The following RNLS variants were observed in gnomAD, a reference collection of about 807,000 sequenced individuals.
RNLS encodes renalase.
In RNLS, 39 loss-of-function variants were observed where a neutral mutation model predicts 39.8. The ratio of observed to expected loss-of-function variants is 0.98; its 90% CI spans 0.76 to 1.28. The LOEUF is 1.28. Among genes scored for constraint, RNLS ranks in the 50% most tolerant of loss-of-function variants. RNLS has a pLI of 0.00. For synonymous variants in RNLS, 147 were observed against 150.7 expected, an observed-to-expected ratio of 0.98 and a Z score of 0.18; for missense variants, 410 against 413.3, an observed-to-expected ratio of 0.99 and a Z score of 0.07.
intron 4 of RNLS, among the ~76,000 whole-genome samples, chr10:88,512,489 A>G (rs181546048): frequency 1.9e-4 from 29 of 152,312 alleles, no homozygotes; most frequent in Admixed American, 5.2e-4. Flanking sequence ...CAGGCTCCCC[A>G]TTAAGCCAGT....
intron 4 of RNLS, among the ~76,000 whole-genome samples, chr10:88,406,066 C>T (rs1309558359): frequency 6.6e-6 from 1 of 152,056 alleles, no homozygotes; most frequent in Admixed American, 6.6e-5. Context: ...TCCCTTCTAG[C>T]TTGTAGGGTT....
intron 6 of RNLS, among the ~76,000 whole-genome samples, chr10:88,294,453 T>G (rs1437614256): frequency 6.6e-6 from 1 of 152,204 alleles, no homozygotes; most frequent in Non-Finnish European, 1.5e-5. Flanking sequence ...ACAGGTTTTT[T>G]TTTTAAATTT....
At chr10:88,301,839 T>C (rs1402737283) in intron 6 of RNLS, among the ~76,000 whole-genome samples, 1 of 151,988 alleles carries the variant, frequency 6.6e-6, no homozygotes, top group Admixed American at 6.6e-5. Context: ...AGATAAACTT[T>C]GAAAAGATAA....
chr10:88,265,208 CCA>C, the RNLS span, among the ~76,000 whole-genome samples: 1 of 152,076 alleles, frequency 6.6e-6, no homozygotes, highest in South Asian at 2.1e-4. Context: ...AATTTTTATA[CCA>C]GTATCATGAT....
chr10:88,498,385 G>A (rs1010918602), intron 4 of RNLS, among the ~76,000 whole-genome samples: 14 of 150,600 alleles, frequency 9.3e-5, no homozygotes, highest in Non-Finnish European at 1.6e-4. Context: ...AATATACCAG[G>A]GTCATGAAAG....
At chr10:88,559,276 A>T (rs1231605804) in intron 4 of RNLS, among the ~76,000 whole-genome samples, 1 of 152,218 alleles carries the variant, frequency 6.6e-6, no homozygotes, top group East Asian at 1.9e-4. Flanking sequence ...TAAGGTTAAC[A>T]GCCTTTAGAA....
chr10:88,310,402 G>A (rs1001504718), intron 6 of RNLS, among the ~76,000 whole-genome samples: 1 of 152,046 alleles, frequency 6.6e-6, no homozygotes, highest in Non-Finnish European at 1.5e-5. Context: ...CCTGATAATT[G>A]TGTGTACTTT....
intron 4 of RNLS, among the ~76,000 whole-genome samples, chr10:88,522,247 C>A (rs151256434): frequency 3.9e-4 from 59 of 152,122 alleles, no homozygotes; most frequent in African/African-American, 1.3e-3. Context: ...GTTTAATAAG[C>A]AGATGTTGAA....
intron 5 of RNLS, among the ~76,000 whole-genome samples, chr10:88,360,520 T>G (rs1386682583): frequency 6.6e-6 from 1 of 152,206 alleles, no homozygotes; most frequent in Non-Finnish European, 1.5e-5. Context: ...CTGCAACCTC[T>G]GCCTCCTGGG....
intron 6 of RNLS, chr10:88,309,307 G>A (rs918682350): frequency 2.3e-6 from 2 of 872,364 alleles, no homozygotes; most frequent in Non-Finnish European, 3.2e-6. Flanking sequence ...AAAAGAAAAT[G>A]CATGGGAAAA....
At chr10:88,343,090 TGA>T (rs1185198054) in intron 5 of RNLS, among the ~76,000 whole-genome samples, 5 of 152,090 alleles carry the variant, frequency 3.3e-5, no homozygotes, top group Admixed American at 3.3e-4. Flanking sequence ...GTTAAGGATG[TGA>T]GATTTAATCT....
chr10:88,424,827 A>G (rs78992735), intron 4 of RNLS, among the ~76,000 whole-genome samples: 4,220 of 152,218 alleles, frequency 0.028, 163 homozygotes, highest in South Asian at 0.12. Flanking sequence ...GGAAGTGTTC[A>G]GTATAAAAGA....
intron 1 of RNLS, 99 bp from the exon 2 acceptor site, chr10:88,582,406 ATATCT>A: frequency 1.1e-6 from 1 of 879,818 alleles, no homozygotes; most frequent in Middle Eastern, 2.3e-4. Flanking sequence ...TACTTCAAAA[ATATCT>A]TAAGAAACTT....
At position 88,498,169 on chromosome 10, in the gene RNLS, T is replaced by A. The variant is rs142930821; in HGVS notation, c.526+74734A>T. ...ACAAACCACCTAGACCAAGTGATCA[T>A]CACCAGTTAACATCGCCAAGTTAAC... On this transcript the variant is annotated intron_variant, in intron 4 of 6. Coordinates refer to ENST00000331772, the MANE Select transcript of RNLS (RefSeq NM_001031709.3). Among the ~76,000 whole-genome samples, 350 of 152,102 alleles carry A rather than the reference T, an allele frequency of 2.3e-3. 1 individual carries two copies. Among genetic ancestry groups the A allele is most frequent in the African/African-American group, 8.1e-3 (335 of 41,516 alleles).
intron 6 of RNLS, chr10:88,309,339 C>A: frequency 9.3e-7 from 1 of 1,080,678 alleles, no homozygotes; most frequent in Middle Eastern, 2.4e-4. Flanking sequence ...ATTAAAATAT[C>A]AATCACCACC....
the RNLS span, among the ~76,000 whole-genome samples, chr10:88,190,596 G>C: frequency 9.5e-4 from 144 of 152,172 alleles, 6 homozygotes; most frequent in East Asian, 0.024. Flanking sequence ...ATATATTAAG[G>C]CTCTTTATTC....
chr10:88,389,529 T>A (rs1196397286), intron 4 of RNLS, among the ~76,000 whole-genome samples: 2 of 152,022 alleles, frequency 1.3e-5, no homozygotes, highest in Admixed American at 6.6e-5. Flanking sequence ...TTACATTCAT[T>A]TGTTTCAATA....
intron 4 of RNLS, among the ~76,000 whole-genome samples, chr10:88,494,940 A>T (rs975842957): frequency 6.6e-6 from 1 of 152,140 alleles, no homozygotes; most frequent in African/African-American, 2.4e-5. Flanking sequence ...AACTACTGCC[A>T]CTTCCTTCCT....
chr10:88,312,798 A>G (rs1274124279), intron 6 of RNLS, among the ~76,000 whole-genome samples: 1 of 151,516 alleles, frequency 6.6e-6, no homozygotes, highest in Non-Finnish European at 1.5e-5. Flanking sequence ...GAACAGTTTT[A>G]GGTTCATAGC....
Sources: gnomAD v4.1 joint callset for allele counts (sites outside exome capture counted in the v4.1 genomes callset) on GRCh38, gnomAD v4.1.1 for gene constraint, MANE v1.5 for transcripts, NCBI Gene and HGNC (gene_info 2026-07-23, HGNC 2026-07-21) for gene names.